HMGCLL1: variants seen among roughly 807,000 people sequenced by gnomAD.
HMGCLL1 encodes 3-hydroxy-3-methylglutaryl-CoA lyase like 1, also known as 3-hydroxymethyl-3-methylglutaryl-CoA lyase, cytoplasmic.
A neutral mutation model predicts 39.1 loss-of-function variants in HMGCLL1; 36 were observed. The observed-to-expected ratio is 0.92, with a 90% confidence interval of 0.71 to 1.22. The LOEUF (loss-of-function observed/expected upper bound fraction) is 1.22. Among genes scored for constraint, HMGCLL1 ranks in the 50% most tolerant of loss-of-function variants. HMGCLL1 has a pLI of 0.00. For synonymous variants in HMGCLL1, 149 were observed against 144.0 expected, an observed-to-expected ratio of 1.03 and a Z score of -0.25; for missense variants, 451 against 416.5, an observed-to-expected ratio of 1.08 and a Z score of -0.72.
At chr6:55,514,359 G>A (rs990981211) in intron 4 of HMGCLL1, among the ~76,000 whole-genome samples, 163 bp from the exon 5 acceptor site, 13 of 151,946 alleles carry the variant, frequency 8.6e-5, no homozygotes, top group African/African-American at 2.4e-4. Context: ...ATATTCTTTC[G>A]AAATGTAAAA....
the HMGCLL1 span, among the ~76,000 whole-genome samples, chr6:55,664,983 AC>A: frequency 2.6e-5 from 4 of 151,664 alleles, no homozygotes; most frequent in African/African-American, 7.3e-5. Context: ...CTCTTTATGA[AC>A]CAAACTCAGA....
chr6:55,667,386 T>G, the HMGCLL1 span, among the ~76,000 whole-genome samples: 1 of 151,794 alleles, frequency 6.6e-6, no homozygotes, highest in Non-Finnish European at 1.5e-5. Context: ...TACATTTACC[T>G]CATTTAATCC....
chr6:55,604,607 G>A, the HMGCLL1 span, among the ~76,000 whole-genome samples: 1 of 151,936 alleles, frequency 6.6e-6, no homozygotes, highest in Admixed American at 6.6e-5. Flanking sequence ...AATTTTCAAG[G>A]GCTATTGACA....
intron 3 of HMGCLL1, among the ~76,000 whole-genome samples, chr6:55,519,086 C>T (rs1210871576): frequency 6.6e-6 from 1 of 152,116 alleles, no homozygotes; most frequent in African/African-American, 2.4e-5. Flanking sequence ...AAATCACACA[C>T]TGTGATGTGT....
At chr6:55,665,558 C>T in the HMGCLL1 span, among the ~76,000 whole-genome samples, 4 of 151,670 alleles carry the variant, frequency 2.6e-5, no homozygotes, top group African/African-American at 9.7e-5. Context: ...TCACTAAGTA[C>T]ATTACCTGCC....
the HMGCLL1 span, among the ~76,000 whole-genome samples, chr6:55,629,269 T>G: frequency 4.6e-5 from 7 of 152,320 alleles, no homozygotes; most frequent in African/African-American, 1.7e-4. Context: ...ACTCTTGTTA[T>G]GTTCTAGCAA....
chr6:55,624,552 C>A, the HMGCLL1 span, among the ~76,000 whole-genome samples: 1 of 152,170 alleles, frequency 6.6e-6, no homozygotes, highest in Non-Finnish European at 1.5e-5. Flanking sequence ...GGACCTTGAT[C>A]CCTTTTCACT....
chr6:55,458,590 A>C (rs1283683083), intron 7 of HMGCLL1, among the ~76,000 whole-genome samples: 1 of 152,180 alleles, frequency 6.6e-6, no homozygotes, highest in African/African-American at 2.4e-5. Context: ...GTGTGTTTAG[A>C]GAGAATTAAG....
At chr6:55,585,014 C>A in the HMGCLL1 span, among the ~76,000 whole-genome samples, 1 of 151,926 alleles carries the variant, frequency 6.6e-6, no homozygotes, top group African/African-American at 2.4e-5. Flanking sequence ...GATAACTTCT[C>A]ACATATGTTA....
In HMGCLL1 at chr6:55,527,588, A is replaced by C. The variant is rs533778297; in HGVS notation, c.298-10985T>G. 3.7e-4 allele frequency among the ~76,000 whole-genome samples: 57 copies of C among 152,190 alleles called. No individual in the cohort carries two copies. The South Asian group carries it at 0.012, about 32-fold the overall frequency. On this transcript the variant is annotated intron_variant, in intron 3 of 8. Transcript: ENST00000274901. ...GGCCTCCTTAAGAAAAAGAACACAA[A>C]AATATCTATTGAAAATTTCGTTAAA...
intron 1 of HMGCLL1, among the ~76,000 whole-genome samples, chr6:55,548,455 C>T (rs574743682): frequency 6.6e-6 from 1 of 151,874 alleles, no homozygotes; most frequent in African/African-American, 2.4e-5. Flanking sequence ...AGAGTAGTTA[C>T]AAAAAAGCAA....
At chr6:55,586,455 T>G in the HMGCLL1 span, among the ~76,000 whole-genome samples, 1 of 152,026 alleles carries the variant, frequency 6.6e-6, no homozygotes, top group Non-Finnish European at 1.5e-5. Context: ...GCAGGTTTGT[T>G]ACATATGTAT....
At chr6:55,458,367 A>G (rs1029273297) in intron 7 of HMGCLL1, among the ~76,000 whole-genome samples, 1 of 152,190 alleles carries the variant, frequency 6.6e-6, no homozygotes, top group Non-Finnish European at 1.5e-5. Flanking sequence ...GATAATAGTG[A>G]TACAGGAAAG....
chr6:55,549,729 G>T (rs73451178), intron 1 of HMGCLL1, among the ~76,000 whole-genome samples: 3,936 of 151,708 alleles, frequency 0.026, 217 homozygotes, highest in African/African-American at 0.091. Flanking sequence ...TTTTAATTGA[G>T]GCTGTTATTA....
At chr6:55,448,025 T>C (rs945469719) in intron 7 of HMGCLL1, among the ~76,000 whole-genome samples, 1 of 152,182 alleles carries the variant, frequency 6.6e-6, no homozygotes, top group Non-Finnish European at 1.5e-5. Context: ...CCTTTTCTTA[T>C]GAGACTTTCT....
At position 55,467,364 on chromosome 6, in the gene HMGCLL1, T is replaced by C. The variant is rs545173614; in HGVS notation, c.796-27805A>G. ...GTTTAAACCAAATGTCATTCCAGGC[T>C]TCTTACGTACAAGCATGTGGAAATA... On this transcript the variant is annotated intron_variant, in intron 7 of 8. Transcript: ENST00000274901. 2.0e-5 allele frequency among the ~76,000 whole-genome samples: 3 copies of C among 152,238 alleles called. No individual in the cohort carries two copies. The East Asian group carries it at 5.8e-4, about 29-fold the overall frequency.
chr6:55,587,100 A>T, the HMGCLL1 span, among the ~76,000 whole-genome samples: 1 of 152,058 alleles, frequency 6.6e-6, no homozygotes, highest in Non-Finnish European at 1.5e-5. Context: ...CTGGTGTGAG[A>T]TGGTATCTCA....
chr6:55,613,633 G>C, the HMGCLL1 span, among the ~76,000 whole-genome samples: 103 of 152,150 alleles, frequency 6.8e-4, no homozygotes, highest in African/African-American at 2.4e-3. Context: ...GCAGGGACAT[G>C]GATTTAGCTG....
intron 3 of HMGCLL1, among the ~76,000 whole-genome samples, chr6:55,522,260 C>A (rs1333587395): frequency 6.6e-6 from 1 of 151,786 alleles, no homozygotes; most frequent in Non-Finnish European, 1.5e-5. Context: ...TATTAAAATA[C>A]TCCAAAAAGT....
Sources: gnomAD v4.1 joint callset for allele counts (sites outside exome capture counted in the v4.1 genomes callset) on GRCh38, gnomAD v4.1.1 for gene constraint, MANE v1.5 for transcripts, NCBI Gene and HGNC (gene_info 2026-07-23, HGNC 2026-07-21) for gene names.